ZNF484: variants seen among roughly 807,000 people sequenced by gnomAD.
ZNF484 encodes KRAB box containing C2H2 type zinc finger bA526D8.4.
In ZNF484, 11 loss-of-function variants were observed where a neutral mutation model predicts 12.9. The ratio of observed to expected loss-of-function variants is 0.85; its 90% confidence interval spans 0.54 to 1.41. ZNF484 has a LOEUF of 1.41. Ranked by LOEUF, ZNF484 falls within the 40% of genes most tolerant of loss-of-function variation. The probability of loss-of-function intolerance (pLI) is 0.00; values close to 1 mark genes in which losing one functional copy is unlikely to be tolerated. For missense variants in ZNF484, 807 were observed against 1,007.7 expected, an observed-to-expected ratio of 0.80 and a Z score of 2.70; for synonymous variants, 289 against 334.1, an observed-to-expected ratio of 0.86 and a Z score of 1.47.
intron 3 of ZNF484, 121 bp downstream of exon 3, chr9:92,856,071 G>A (rs1856430938): frequency 7.1e-7 from 1 of 1,416,772 alleles, no homozygotes; most frequent in Non-Finnish European, 9.7e-7. Flanking sequence ...CACTTTAGAT[G>A]TCCTGCAGTC....
At chr9:92,867,510 C>G (rs1448183131) in intron 2 of ZNF484, among the ~76,000 whole-genome samples, 1 of 151,942 alleles carries the variant, frequency 6.6e-6, no homozygotes, top group Non-Finnish European at 1.5e-5. Flanking sequence ...AAAACAACAA[C>G]AACAAAAAAA....
intron 1 of ZNF484, among the ~76,000 whole-genome samples, chr9:92,877,088 C>G (rs61186761): frequency 1.1e-3 from 174 of 152,168 alleles, no homozygotes; most frequent in African/African-American, 3.9e-3. Context: ...ATAAACTCTC[C>G]TAAATAACTA....
intron 4 of ZNF484, among the ~76,000 whole-genome samples, chr9:92,849,404 G>A (rs1003938258): frequency 2.6e-5 from 4 of 152,090 alleles, no homozygotes; most frequent in Non-Finnish European, 4.4e-5. Flanking sequence ...ATACAATGAT[G>A]TAGAGTAATA....
rs145197582 is a variant in ZNF484, at chr9:92,848,910, AAAATAAATAAAT to A, written c.236-371_236-360del. ...GGTGACAGAGCAAGACTCTGTCTCCAAAATAAATAAATAAATAAATAAATAAATAAATAAATA... is the reference window on the plus strand; with the variant it reads ...GGTGACAGAGCAAGACTCTGTCTCCAAAATAAATAAATAAATAAATAAATA... On this transcript the variant is annotated intron_variant, in intron 4 of 4. Coordinates refer to ENST00000375495, the MANE Select transcript of ZNF484 (RefSeq NM_031486.4). The surrounding 1 kb of genome is among the most constrained non-coding windows in gnomAD (Gnocchi z 4.1). 3.6e-3 allele frequency among the ~76,000 whole-genome samples: 505 copies of A among 141,396 alleles called. 3 individuals carry two copies. The highest frequency in any genetic ancestry group is 0.01 in the African/African-American group (391 of 37,508). 92.8% of individuals were successfully genotyped at this position (141,396 alleles called of 152,430 possible). A position where few individuals can be genotyped will look rare whatever the true frequency, so the allele number is the denominator to read the frequency against.
At chr9:92,851,553 T>G (rs747701128) in intron 4 of ZNF484, among the ~76,000 whole-genome samples, 5 of 152,160 alleles carry the variant, frequency 3.3e-5, no homozygotes, top group Non-Finnish European at 5.9e-5. Flanking sequence ...TACAAAAAAT[T>G]TGTCAGCCCT....
At chr9:92,861,609 G>A (rs10124671) in intron 2 of ZNF484, among the ~76,000 whole-genome samples, 101,193 of 151,982 alleles carry the variant, frequency 0.67, 34,644 homozygotes, top group African/African-American at 0.83. Context: ...AAATTATCCA[G>A]TCTGAACAAT....
Position 92,846,198 on chromosome 9 carries a change from G to C in ZNF484, c.*30C>G, listed in dbSNP as rs768019958. On this transcript the variant is annotated 3_prime_UTR_variant, in exon 5 of 5. Coordinates refer to ENST00000375495, the MANE Select transcript of ZNF484 (RefSeq NM_031486.4). ...TCCCCATATGTGTAACTACACATCAGCTATATGATCCAGATGTTCATAATT... is the reference window on the plus strand; with the variant it reads ...TCCCCATATGTGTAACTACACATCACCTATATGATCCAGATGTTCATAATT... 6.3e-7 allele frequency: 1 copy of C among 1,593,144 alleles called. No homozygotes were observed. The highest frequency in any genetic ancestry group is 8.5e-7 in the Non-Finnish European group (1 of 1,170,378).
intron 3 of ZNF484, 133 bp downstream of exon 3, chr9:92,856,059 C>A (rs1856430013): frequency 7.2e-7 from 1 of 1,390,430 alleles, no homozygotes; most frequent in Non-Finnish European, 9.9e-7. Context: ...AAAACCATTA[C>A]ACACTTTAGA....
chr9:92,855,415 T>C (rs1041025513), intron 4 of ZNF484, among the ~76,000 whole-genome samples: 2 of 152,162 alleles, frequency 1.3e-5, no homozygotes, highest in African/African-American at 4.8e-5. Context: ...ATAGTAATGT[T>C]TTCAGAAGGT....
At chr9:92,855,019 AC>A (rs1442314142) in intron 4 of ZNF484, among the ~76,000 whole-genome samples, 1 of 152,216 alleles carries the variant, frequency 6.6e-6, no homozygotes, top group Non-Finnish European at 1.5e-5. Flanking sequence ...ATATATTAGA[AC>A]AGTTGCCTCT....
At chr9:92,859,741 CAGA>C (rs1301699136) in intron 2 of ZNF484, among the ~76,000 whole-genome samples, 1 of 152,148 alleles carries the variant, frequency 6.6e-6, no homozygotes, top group African/African-American at 2.4e-5. Context: ...CCACAATTCA[CAGA>C]AGAACTCACA....
At chr9:92,872,619 A>C (rs1046064735) in intron 2 of ZNF484, among the ~76,000 whole-genome samples, 4 of 152,150 alleles carry the variant, frequency 2.6e-5, no homozygotes, top group Non-Finnish European at 4.4e-5. Flanking sequence ...AGGGCTACAA[A>C]TTGTGAAATG....
chr9:92,852,529 C>CTTTTTT (rs760841960), intron 4 of ZNF484, among the ~76,000 whole-genome samples: 12 of 63,482 alleles, frequency 1.9e-4, no homozygotes, highest in African/African-American at 4.5e-4. Context: ...CACGCCCAGC[C>CTTTTTT]TTTTTTTTTT....
chr9:92,874,375 A>G (rs1857660430), intron 2 of ZNF484, among the ~76,000 whole-genome samples: 1 of 149,708 alleles, frequency 6.7e-6, no homozygotes, highest in Non-Finnish European at 1.5e-5. Context: ...GCAAAGGCGC[A>G]ATCTCGGCTT....
chr9:92,853,137 A>G (rs1338268884), intron 4 of ZNF484, among the ~76,000 whole-genome samples: 1 of 152,260 alleles, frequency 6.6e-6, no homozygotes, highest in Non-Finnish European at 1.5e-5. Flanking sequence ...TCTGAGATGA[A>G]ATAGTGAAAA....
intron 2 of ZNF484, among the ~76,000 whole-genome samples, chr9:92,863,845 C>A (rs1856918085): frequency 6.6e-6 from 1 of 152,094 alleles, no homozygotes; most frequent in African/African-American, 2.4e-5. Flanking sequence ...TGGGAGTCAC[C>A]AGTAGATAAT....
At chr9:92,855,625 A>C (rs909454767) in intron 4 of ZNF484, among the ~76,000 whole-genome samples, 186 bp downstream of exon 4, 11 of 152,188 alleles carry the variant, frequency 7.2e-5, no homozygotes, top group African/African-American at 2.4e-4. Flanking sequence ...CATTGATATG[A>C]GAAGGGATCT....
intron 2 of ZNF484, among the ~76,000 whole-genome samples, chr9:92,863,224 C>T (rs1318214715): frequency 1.4e-5 from 2 of 140,014 alleles, no homozygotes; most frequent in African/African-American, 5.4e-5. Context: ...AATGTGAACA[C>T]ATGGACACAG....
At chr9:92,854,663 G>A (rs1587738270) in intron 4 of ZNF484, among the ~76,000 whole-genome samples, 1 of 152,184 alleles carries the variant, frequency 6.6e-6, no homozygotes, top group African/African-American at 2.4e-5. Flanking sequence ...CTTGCAGTGA[G>A]CTGAGATCAT....
Sources: allele counts gnomAD v4.1 joint callset (sites outside exome capture counted in the v4.1 genomes callset), GRCh38; gene constraint gnomAD v4.1.1; non-coding constraint Gnocchi (gnomAD v3.1); transcripts MANE v1.5; gene names NCBI Gene and HGNC (gene_info 2026-07-23, HGNC 2026-07-21).